Variants in MCM5 observed in about 807,000 individuals in gnomAD.
MCM5 encodes minichromosome maintenance complex component 5, also known as DNA replication licensing factor MCM5.
A neutral mutation model predicts 79.9 loss-of-function variants in MCM5; 46 were observed. That is an observed-to-expected ratio of 0.58 (90% CI 0.45 to 0.74). The LOEUF (loss-of-function observed/expected upper bound fraction) is 0.74, where lower values mean the gene tolerates loss of function less well. Among genes scored for constraint, MCM5 ranks in the 30% least tolerant of loss-of-function variants. The pLI is 0.00. For missense variants in MCM5, 883 were observed against 1,017.0 expected (o/e 0.87, Z 1.79); for synonymous variants, 404 against 390.5 (o/e 1.03, Z -0.41).
chr22:35,405,976 A>C (rs967660466), intron 4 of MCM5, among the ~76,000 whole-genome samples: 1 of 151,142 alleles, frequency 6.6e-6, no homozygotes, highest in African/African-American at 2.4e-5. Flanking sequence ...CTGCCATTGC[A>C]CTCCAGCCTT....
At chr22:35,435,478 G>A in the MCM5 span, among the ~76,000 whole-genome samples, 3 of 152,208 alleles carry the variant, frequency 2.0e-5, no homozygotes, top group African/African-American at 2.4e-5. Flanking sequence ...GGTGGCCACC[G>A]GGCCTTTCAG....
the MCM5 span, among the ~76,000 whole-genome samples, chr22:35,452,017 T>C: frequency 6.6e-6 from 1 of 152,210 alleles, no homozygotes; most frequent in Admixed American, 6.5e-5. Context: ...CCACCTGCCC[T>C]GTGCTATCTC....
intron 4 of MCM5, among the ~76,000 whole-genome samples, chr22:35,404,627 C>G (rs576938508): frequency 6.6e-6 from 1 of 152,288 alleles, no homozygotes; most frequent in African/African-American, 2.4e-5. Flanking sequence ...TGACCAGGTG[C>G]TAGGTTGAGG....
Position 35,403,340 on chromosome 22 carries a change from G to A in MCM5, c.294+7G>A, listed in dbSNP as rs775123512. The A allele has an allele frequency of 1.7e-5, 28 of 1,614,116 alleles. No homozygotes were observed. The Middle Eastern group carries it at 4.9e-4, about 29-fold the overall frequency. ...AGCCGAGCACCTGCAGCTGGTGAGT[G>A]GGACCCCATCCCTGAGCTTCCCAGG... is the stretch of plus-strand genomic sequence containing the variant. On this transcript the variant is annotated splice_region_variant and intron_variant, in intron 3 of 16. Transcript: ENST00000216122.
chr22:35,401,789 G>A, intron 2 of MCM5: 3 of 449,498 alleles, frequency 6.7e-6, no homozygotes, highest in Admixed American at 2.4e-5. Flanking sequence ...TAACTTCCAC[G>A]GTGGTCATTT....
intron 4 of MCM5, among the ~76,000 whole-genome samples, chr22:35,405,841 C>G (rs976062654): frequency 6.6e-6 from 1 of 151,762 alleles, no homozygotes; most frequent in East Asian, 2.0e-4. Context: ...GAAACCCCGT[C>G]TCTACTAAAA....
At position 35,413,872 on chromosome 22, in the gene MCM5, C is replaced by T. The variant is rs777851126; in HGVS notation, c.1092-3C>T. ...CCTTGTCCATCTACCCTTCGTCCCC[C>T]AGGCTCCCTGATGGACTTACTCGCC... On this transcript the variant is annotated splice_region_variant and splice_polypyrimidine_tract_variant and intron_variant, in intron 8 of 16. Transcript: ENST00000216122. 21 of 1,582,960 alleles carry T rather than the reference C, an allele frequency of 1.3e-5. No individual in the cohort carries two copies. The highest frequency in any genetic ancestry group is 1.8e-5 in the Non-Finnish European group (21 of 1,151,696).
chr22:35,425,578 C>G (rs1289104307), downstream of MCM5: 1 of 152,076 alleles, frequency 6.6e-6, no homozygotes, highest in Non-Finnish European at 1.5e-5. Flanking sequence ...CCGTTCAAAG[C>G]TCATTTCTTT....
downstream of MCM5, among the ~76,000 whole-genome samples, chr22:35,429,164 T>G (rs1932797169): frequency 6.6e-6 from 1 of 151,690 alleles, no homozygotes; most frequent in African/African-American, 2.4e-5. Flanking sequence ...TTTTGTATTT[T>G]TAGTAGAGAC....
intron 4 of MCM5, among the ~76,000 whole-genome samples, chr22:35,405,830 T>C (rs1013386949): frequency 6.6e-6 from 1 of 151,626 alleles, no homozygotes; most frequent in African/African-American, 2.4e-5. Flanking sequence ...GCCAACATAG[T>C]GAAACCCCGT....
the MCM5 span, among the ~76,000 whole-genome samples, chr22:35,436,506 G>A: frequency 6.6e-6 from 1 of 152,242 alleles, no homozygotes; most frequent in African/African-American, 2.4e-5. Flanking sequence ...CGTTTTCTAT[G>A]AGGGGGCCCT....
At chr22:35,420,858 G>A (rs1932674844) in intron 14 of MCM5, among the ~76,000 whole-genome samples, 2 of 152,210 alleles carry the variant, frequency 1.3e-5, no homozygotes, top group South Asian at 4.1e-4. Flanking sequence ...GCTAGGTGCA[G>A]TGGCCTACAT....
chr22:35,406,781 G>T, intron 5 of MCM5, 56 bp downstream of exon 5: 1 of 1,573,460 alleles, frequency 6.4e-7, no homozygotes, highest in Non-Finnish European at 8.6e-7. Context: ...GATCAGAAAG[G>T]ATGAGAACAA....
chr22:35,403,613 G>C, intron 4 of MCM5, 71 bp downstream of exon 4: 5 of 1,568,252 alleles, frequency 3.2e-6, no homozygotes, highest in Non-Finnish European at 4.3e-6. Context: ...AGTGCTAGCT[G>C]TGTGGCCTTG....
Position 35,400,479 on chromosome 22 carries a change from G to C in MCM5, c.41G>C (p.Ser14Thr), listed in dbSNP as rs557612451. The C allele has an allele frequency of 1.9e-6, 3 of 1,614,108 alleles. No individual in the cohort carries two copies. Among genetic ancestry groups the C allele is most frequent in the Non-Finnish European group, 2.5e-6 (3 of 1,179,980 alleles). Residue 14 changes from serine to threonine, a missense_variant, in exon 2 of 17, where the codon AGC becomes ACC. Transcript: ENST00000216122. ...FDDPGIFYSD[S>T]FGGDAQADEG... ...GATCCTGGCATTTTCTACAGCGACA[G>C]CTTCGGGGGCGACGCCCAGGCCGAC... is the stretch of plus-strand genomic sequence containing the variant.
rs182189589 is a variant in MCM5, at chr22:35,421,881, C to T, written c.1975+421C>T. 626 of 293,008 alleles carry T rather than the reference C, an allele frequency of 2.1e-3. 1 individual carries two copies. Among genetic ancestry groups the T allele is most frequent in the Non-Finnish European group, 3.5e-3 (526 of 148,266 alleles). 18.2% of individuals were successfully genotyped at this position (293,008 alleles called of 1,614,324 possible). On this transcript the variant is annotated intron_variant, in intron 15 of 16. Coordinates refer to ENST00000216122, the MANE Select transcript of MCM5 (RefSeq NM_006739.4). ...TGTTAGAAATGAGACAGCTGACACT[C>T]GAAGGGGCCTTTCCCTGGTGCCCAA...
chr22:35,427,432 T>C (rs1050749188), downstream of MCM5, among the ~76,000 whole-genome samples: 2 of 152,228 alleles, frequency 1.3e-5, no homozygotes, highest in African/African-American at 4.8e-5. Flanking sequence ...TTTTATGTTT[T>C]TGGGTGTTGT....
At chr22:35,438,526 T>C in the MCM5 span, among the ~76,000 whole-genome samples, 291 of 143,342 alleles carry the variant, frequency 2.0e-3, 13 homozygotes, top group East Asian at 0.059. Flanking sequence ...CATCCATCCA[T>C]CTACATATTC....
At chr22:35,400,367 G>A (rs891987713) in intron 1 of MCM5, 64 bp from the exon 2 acceptor site, 3 of 1,589,428 alleles carry the variant, frequency 1.9e-6, no homozygotes, top group Non-Finnish European at 2.6e-6. Flanking sequence ...GGACCCAGGC[G>A]TCGGAGGGGA....
Sources: gnomAD v4.1 joint callset for allele counts (sites outside exome capture counted in the v4.1 genomes callset) on GRCh38, gnomAD v4.1.1 for gene constraint, MANE v1.5 for transcripts, NCBI Gene and HGNC (gene_info 2026-07-23, HGNC 2026-07-21) for gene names.